C1QTNF3: variants seen among roughly 807,000 people sequenced by gnomAD.
C1QTNF3 encodes complement C1q tumor necrosis factor-related protein 3.
C1QTNF3 carries 26 observed loss-of-function variants against 32.6 expected under a neutral mutation model. The observed-to-expected ratio is 0.80, with a 90% CI of 0.58 to 1.11. C1QTNF3 has a LOEUF of 1.11. C1QTNF3 is among the 50% of genes least tolerant of loss of function. The probability of loss-of-function intolerance (pLI) is 0.00; values close to 1 mark genes in which losing one functional copy is unlikely to be tolerated. For missense variants in C1QTNF3, 362 were observed against 398.2 expected (o/e 0.91, Z 0.77); for synonymous variants, 155 against 146.0 (o/e 1.06, Z -0.44).
the C1QTNF3 span, among the ~76,000 whole-genome samples, chr5:34,157,938 G>C: frequency 6.6e-6 from 1 of 151,954 alleles, no homozygotes. Flanking sequence ...AAAAGCCTCA[G>C]CTATTCAAAA....
chr5:34,023,442 A>G (rs182359154), intron 5 of C1QTNF3, among the ~76,000 whole-genome samples: 45 of 152,312 alleles, frequency 3.0e-4, no homozygotes, highest in Admixed American at 2.0e-3. Context: ...TAAACACAGC[A>G]ATTATCACAC....
the C1QTNF3 span, among the ~76,000 whole-genome samples, chr5:34,208,494 T>C: frequency 1.4e-5 from 2 of 142,564 alleles, no homozygotes; most frequent in Non-Finnish European, 3.1e-5. Context: ...TCTTTCACAG[T>C]TTTTTTTTTT....
chr5:34,155,283 C>A, the C1QTNF3 span, among the ~76,000 whole-genome samples: 2 of 152,158 alleles, frequency 1.3e-5, no homozygotes, highest in African/African-American at 4.8e-5. Context: ...TGTTATTTGA[C>A]CGAGGCAGTT....
the C1QTNF3 span, chr5:34,167,830 T>C: frequency 2.6e-5 from 4 of 152,208 alleles, no homozygotes; most frequent in African/African-American, 4.8e-5. Context: ...TAGTTTTCTT[T>C]TAAAAATGTA....
Position 34,042,804 on chromosome 5 carries a change from A to C in C1QTNF3, c.303+19T>G. The C allele has an allele frequency of 6.3e-7, 1 of 1,597,548 alleles. No homozygotes were observed. The highest frequency in any genetic ancestry group is 1.3e-5 in the African/African-American group (1 of 74,284). On this transcript the variant is annotated intron_variant, in intron 1 of 5. Transcript: ENST00000382065. ...TCATTAAGCTTTCACAAAAATCCTT[A>C]GAAGAGAATTCTGAGTACCTGGCCC...
At chr5:34,108,209 T>C in the C1QTNF3 span, among the ~76,000 whole-genome samples, 1 of 151,976 alleles carries the variant, frequency 6.6e-6, no homozygotes, top group African/African-American at 2.4e-5. Flanking sequence ...CTTCTTCACC[T>C]ATGCCCAAGT....
the C1QTNF3 span, among the ~76,000 whole-genome samples, chr5:34,176,392 T>C: frequency 6.8e-6 from 1 of 146,362 alleles, no homozygotes; most frequent in East Asian, 2.0e-4. Context: ...ACCCTAAAAC[T>C]TAACGTATAA....
chr5:34,217,904 C>T, the C1QTNF3 span, among the ~76,000 whole-genome samples: 1 of 152,040 alleles, frequency 6.6e-6, no homozygotes, highest in African/African-American at 2.4e-5. Flanking sequence ...TGATAAACTC[C>T]TCTAACAGTG....
upstream of C1QTNF3, among the ~76,000 whole-genome samples, chr5:34,044,046 T>C (rs1222289602): frequency 6.6e-6 from 1 of 152,144 alleles, no homozygotes; most frequent in African/African-American, 2.4e-5. Flanking sequence ...GAGGCCAGCC[T>C]GGGCAACTTA....
chr5:34,072,818 GTTTA>G, the C1QTNF3 span, among the ~76,000 whole-genome samples: 1 of 151,886 alleles, frequency 6.6e-6, no homozygotes, highest in South Asian at 2.1e-4. Context: ...AACCTGTCTT[GTTTA>G]TTTTTCATGT....
At chr5:34,024,878 T>C (rs1174659784) in intron 4 of C1QTNF3, among the ~76,000 whole-genome samples, 1 of 152,234 alleles carries the variant, frequency 6.6e-6, no homozygotes, top group African/African-American at 2.4e-5. Context: ...TGAATGAACA[T>C]AAGTCATCAA....
chr5:34,059,141 G>A, the C1QTNF3 span, among the ~76,000 whole-genome samples: 5 of 152,262 alleles, frequency 3.3e-5, no homozygotes, highest in African/African-American at 7.2e-5. Context: ...GACAGCAGAC[G>A]TTTATTTTCT....
At chr5:34,228,936 T>G in the C1QTNF3 span, among the ~76,000 whole-genome samples, 1 of 151,604 alleles carries the variant, frequency 6.6e-6, no homozygotes, top group Non-Finnish European at 1.5e-5. Flanking sequence ...GCTGCACACA[T>G]TTTCCTTAGG....
Position 34,042,857 on chromosome 5 carries a change from T to A in C1QTNF3, c.269A>T (p.Asp90Val), listed in dbSNP as rs1410193358. The A allele has an allele frequency of 8.1e-6, 13 of 1,614,076 alleles. No individual in the cohort carries two copies. The highest frequency in any genetic ancestry group is 1.1e-5 in the Non-Finnish European group (13 of 1,180,042). The change falls in exon 1 of 6, where the codon GAT becomes GTT. Residue 90 changes from aspartate to valine, a missense_variant. Coordinates refer to ENST00000382065, the MANE Select transcript of C1QTNF3 (RefSeq NM_181435.6). Reference sequence around the variant, plus strand: ...GAATGTGGTGATCTGGGCTAGGTCATCTACCTCGGGGTGCGGTAGCTCATC... The same window carrying A: ...GAATGTGGTGATCTGGGCTAGGTCAACTACCTCGGGGTGCGGTAGCTCATC... ...RPDELPHPEV[D>V]DLAQITTFWG...
chr5:34,049,048 CTTTCT>C, the C1QTNF3 span, among the ~76,000 whole-genome samples: 946 of 148,510 alleles, frequency 6.4e-3, 10 homozygotes, highest in South Asian at 0.047. Context: ...TATATAAAAG[CTTTCT>C]TTTTTCTCCT....
the C1QTNF3 span, among the ~76,000 whole-genome samples, chr5:34,124,966 G>C: frequency 6.6e-6 from 1 of 152,128 alleles, no homozygotes; most frequent in Admixed American, 6.6e-5. Context: ...AGGCAAGGAA[G>C]GGGAGGAAAT....
the C1QTNF3 span, among the ~76,000 whole-genome samples, chr5:34,219,424 T>C: frequency 6.6e-6 from 1 of 151,540 alleles, no homozygotes; most frequent in Non-Finnish European, 1.5e-5. Flanking sequence ...GGAGAATCAA[T>C]ATGGTAAAAA....
chr5:34,175,883 T>G, the C1QTNF3 span: 1 of 803,262 alleles, frequency 1.2e-6, no homozygotes, highest in East Asian at 2.4e-5. Flanking sequence ...ATTTTCTGCG[T>G]TTTTGATTGA....
At chr5:34,222,711 C>G in the C1QTNF3 span, among the ~76,000 whole-genome samples, 6 of 151,986 alleles carry the variant, frequency 3.9e-5, no homozygotes, top group South Asian at 1.2e-3. Context: ...AAAAAAACTA[C>G]GAATTTAACA....
Sources: allele counts gnomAD v4.1 joint callset (sites outside exome capture counted in the v4.1 genomes callset), GRCh38; gene constraint gnomAD v4.1.1; transcripts MANE v1.5; gene names NCBI Gene and HGNC (gene_info 2026-07-23, HGNC 2026-07-21).